Variants in PAX3 observed in about 807,000 individuals in gnomAD.
PAX3 encodes paired box 3.
PAX3 carries 14 observed loss-of-function variants against 51.6 expected under a neutral mutation model. The observed-to-expected ratio is 0.27, with a 90% CI of 0.18 to 0.42. PAX3 has a LOEUF of 0.42. Ranked by LOEUF, PAX3 falls within the 10% of genes least tolerant of loss-of-function variation. The pLI is 1.00. For synonymous variants in PAX3, 280 were observed against 253.4 expected (o/e 1.11, Z -1.00); for missense variants, 540 against 642.8 (o/e 0.84, Z 1.73).
chr2:222,228,486 A>G (rs940313847), intron 5 of PAX3, among the ~76,000 whole-genome samples: 2 of 152,206 alleles, frequency 1.3e-5, no homozygotes, highest in Non-Finnish European at 2.9e-5. Flanking sequence ...TTTGAAATAT[A>G]TTCTGTCTCC....
At chr2:222,272,516 A>C (rs1694290262) in intron 4 of PAX3, among the ~76,000 whole-genome samples, 1 of 152,200 alleles carries the variant, frequency 6.6e-6, no homozygotes, top group Admixed American at 6.5e-5. Flanking sequence ...TTTACCGTGT[A>C]TGGCTTTGGT....
chr2:222,257,491 A>G (rs1418180943), intron 4 of PAX3, among the ~76,000 whole-genome samples: 1 of 152,182 alleles, frequency 6.6e-6, no homozygotes, highest in African/African-American at 2.4e-5. Context: ...TGCCATGCTA[A>G]TTATTGAGAC....
At chr2:222,207,975 A>G (rs1691577185) in intron 7 of PAX3, among the ~76,000 whole-genome samples, 1 of 147,114 alleles carries the variant, frequency 6.8e-6, no homozygotes, top group Admixed American at 6.8e-5. Flanking sequence ...GTATATATGT[A>G]TATGTATATA....
chr2:222,287,780 T>C (rs1293004403), intron 4 of PAX3, among the ~76,000 whole-genome samples: 1 of 152,204 alleles, frequency 6.6e-6, no homozygotes, highest in African/African-American at 2.4e-5. Flanking sequence ...AGGAGGATTA[T>C]AATAGAAAAT....
chr2:222,226,175 G>A (rs750036853), intron 5 of PAX3, among the ~76,000 whole-genome samples: 6 of 152,262 alleles, frequency 3.9e-5, no homozygotes, highest in Non-Finnish European at 8.8e-5. Flanking sequence ...AAGAGAATTC[G>A]CAACAAGATT....
chr2:222,282,954 T>C lies in PAX3; in HGVS notation c.586+11213A>G, dbSNP rs376918159. ...AGGAGAAAACGTATCATTTTTCTTG[T>C]GCCAGTGCCCAAAGGCAAACACACT... On this transcript the variant is annotated intron_variant, in intron 4 of 8. Coordinates refer to ENST00000392070, the MANE Select transcript of PAX3 (RefSeq NM_181458.4). Among the ~76,000 whole-genome samples the C allele has an allele frequency of 5.9e-5, 9 of 152,348 alleles. No homozygotes were observed. In the South Asian group the frequency reaches 1.2e-3, roughly 21 times the overall value.
intron 5 of PAX3, among the ~76,000 whole-genome samples, chr2:222,228,734 A>G (rs1692473776): frequency 6.6e-6 from 1 of 152,150 alleles, no homozygotes; most frequent in African/African-American, 2.4e-5. Context: ...CAGGAGCTCA[A>G]GACCAACCTG....
At chr2:222,251,152 G>A (rs1054480977) in intron 4 of PAX3, among the ~76,000 whole-genome samples, 4 of 151,732 alleles carry the variant, frequency 2.6e-5, no homozygotes, top group South Asian at 2.1e-4. Flanking sequence ...TGTGCACAAC[G>A]TGCAGGTTTG....
chr2:222,227,593 C>A (rs898893545), intron 5 of PAX3, among the ~76,000 whole-genome samples: 4 of 151,952 alleles, frequency 2.6e-5, no homozygotes, highest in Non-Finnish European at 4.4e-5. Context: ...CAGAGTGAGA[C>A]CCTGTCTCAA....
intron 7 of PAX3, among the ~76,000 whole-genome samples, chr2:222,211,318 A>C (rs2106051971): frequency 6.6e-6 from 1 of 152,322 alleles, no homozygotes; most frequent in Admixed American, 6.5e-5. Context: ...AAGCTGAGAT[A>C]GTTTAAACAG....
At chr2:222,271,533 T>A (rs1321482116) in intron 4 of PAX3, among the ~76,000 whole-genome samples, 1 of 152,226 alleles carries the variant, frequency 6.6e-6, no homozygotes, top group East Asian at 1.9e-4. Context: ...ATTTTTACAC[T>A]CACTATTTGG....
chr2:222,202,684 C>A (rs1691346416), intron 7 of PAX3, among the ~76,000 whole-genome samples: 1 of 150,654 alleles, frequency 6.6e-6, no homozygotes, highest in Non-Finnish European at 1.5e-5. Context: ...ACTTTGAGAT[C>A]TCTGTGCCTT....
At chr2:222,239,058 G>A (rs1318033092) in intron 4 of PAX3, among the ~76,000 whole-genome samples, 1 of 152,212 alleles carries the variant, frequency 6.6e-6, no homozygotes, top group Non-Finnish European at 1.5e-5. Flanking sequence ...GAGGAGTGAA[G>A]CAAGACTGAT....
chr2:222,261,941 A>G (rs1308734090), intron 4 of PAX3, among the ~76,000 whole-genome samples: 1 of 152,218 alleles, frequency 6.6e-6, no homozygotes, highest in African/African-American at 2.4e-5. Flanking sequence ...CAGTATCCCA[A>G]TGGGTTCCCA....
chr2:222,213,211 A>C (rs141730896), intron 7 of PAX3, among the ~76,000 whole-genome samples: 1 of 152,120 alleles, frequency 6.6e-6, no homozygotes, highest in Non-Finnish European at 1.5e-5. Flanking sequence ...CTCTTTCACA[A>C]TTCACCAAAT....
At chr2:222,278,230 T>C (rs112596649) in intron 4 of PAX3, among the ~76,000 whole-genome samples, 2 of 152,272 alleles carry the variant, frequency 1.3e-5, no homozygotes, top group Non-Finnish European at 2.9e-5. Flanking sequence ...GTCTGAAGAC[T>C]GAGAGTCTAG....
intron 7 of PAX3, among the ~76,000 whole-genome samples, chr2:222,213,094 C>A (rs1179318199): frequency 6.6e-6 from 1 of 152,160 alleles, no homozygotes; most frequent in African/African-American, 2.4e-5. Context: ...ATTAATTCAG[C>A]AAGGAAGGTT....
At position 222,220,254 on chromosome 2, in the gene PAX3, G is replaced by A. The variant is rs1341267350; in HGVS notation, c.1059C>T (p.Ala353=). Residue 353 remains alanine, a synonymous_variant, in exon 7 of 9, where the codon GCC becomes GCT. Coordinates refer to ENST00000392070, the MANE Select transcript of PAX3 (RefSeq NM_181458.4). ...CATGCCTGGTGCTGGGGAGGCAGTA[G>A]GCAGAGCTGCTGTCTGGGTTGGAAG... ...TIPSNPDSSS[A]YCLPSTRHGF... 6.2e-7 allele frequency: 1 copy of A among 1,614,044 alleles called. No homozygotes were observed. The highest frequency in any genetic ancestry group is 1.7e-5 in the Admixed American group (1 of 60,018).
chr2:222,295,434 A>C, intron 3 of PAX3, 94 bp downstream of exon 3: 1 of 1,450,364 alleles, frequency 6.9e-7, no homozygotes, highest in Non-Finnish European at 9.7e-7. Context: ...CCAATAGCTG[A>C]GATCGATAAT....
Sources: gnomAD v4.1 joint callset for allele counts (sites outside exome capture counted in the v4.1 genomes callset) on GRCh38, gnomAD v4.1.1 for gene constraint, MANE v1.5 for transcripts, NCBI Gene and HGNC (gene_info 2026-07-23, HGNC 2026-07-21) for gene names.